The following TSPAN5 variants were observed in gnomAD, a reference collection of about 807,000 sequenced individuals.
TSPAN5 encodes tetraspanin-5.
In TSPAN5, 10 loss-of-function variants were observed where a neutral mutation model predicts 37.1. The observed-to-expected ratio is 0.27, with a 90% confidence interval of 0.17 to 0.46. The LOEUF is 0.46. Among genes scored for constraint, TSPAN5 ranks in the 20% least tolerant of loss-of-function variants. TSPAN5 has a pLI of 1.00. For missense variants in TSPAN5, 195 were observed against 326.6 expected (o/e 0.60, Z 3.11); for synonymous variants, 110 against 118.9 (o/e 0.93, Z 0.48).
intron 1 of TSPAN5, among the ~76,000 whole-genome samples, chr4:98,624,381 A>G (rs1285838868): frequency 1.3e-5 from 2 of 152,194 alleles, no homozygotes; most frequent in African/African-American, 2.4e-5. Context: ...AGTGCAGCAT[A>G]ATGATGAGGA....
At chr4:98,476,129 G>A in intron 7 of TSPAN5, 60 bp downstream of exon 7, 2 of 1,347,894 alleles carry the variant, frequency 1.5e-6, no homozygotes, top group Non-Finnish European at 2.1e-6. Context: ...CTCCGATCCT[G>A]GCAAGGGCTC....
chr4:98,547,754 C>T (rs538398208), intron 1 of TSPAN5, among the ~76,000 whole-genome samples: 3 of 152,040 alleles, frequency 2.0e-5, no homozygotes, highest in African/African-American at 7.2e-5. Flanking sequence ...CGCCTGTAAT[C>T]CCAGCACTTT....
rs147373730 is a variant in TSPAN5, at chr4:98,478,456, A to G, written c.576+229T>C. Among the ~76,000 whole-genome samples the G allele has an allele frequency of 2.0e-3, 311 of 152,344 alleles. 1 individual carries two copies. The highest frequency in any genetic ancestry group is 7.0e-3 in the African/African-American group (292 of 41,570). ...AGTAGGAATGTGCCCAACTTAAATG[A>G]GCCAACACACATAAAGGCTTAGAAT... On this transcript the variant is annotated intron_variant, in intron 5 of 7. Transcript: ENST00000305798.
intron 2 of TSPAN5, among the ~76,000 whole-genome samples, chr4:98,490,001 A>C (rs1753051399): frequency 6.6e-6 from 1 of 152,172 alleles, no homozygotes; most frequent in Non-Finnish European, 1.5e-5. Flanking sequence ...GATGCTGTGA[A>C]CCTTTGTCAA....
intron 4 of TSPAN5, 62 bp from the exon 5 acceptor site, chr4:98,478,872 A>C (rs1578932676): frequency 1.3e-6 from 2 of 1,588,746 alleles, no homozygotes; most frequent in Non-Finnish European, 1.7e-6. Context: ...ACCTACACTC[A>C]CACCCGCCGA....
At chr4:98,593,194 A>G (rs1478366746) in intron 1 of TSPAN5, among the ~76,000 whole-genome samples, 1 of 15,552 alleles carries the variant, frequency 6.4e-5, no homozygotes, top group African/African-American at 3.1e-4. Context: ...GCCAGTGATG[A>G]TGAGCATTTT....
rs1039839783 is a variant in TSPAN5 at position 98,491,177 on chromosome 4, T to C, written c.133-4293A>G. Reference sequence around the variant, plus strand: ...GCATGTGCATTACCTCACATAGTTATCATTTTTGTGGTGAGAACACTTTAC... The same window carrying C: ...GCATGTGCATTACCTCACATAGTTACCATTTTTGTGGTGAGAACACTTTAC... On this transcript the variant is annotated intron_variant, in intron 2 of 7. Coordinates refer to ENST00000305798, the MANE Select transcript of TSPAN5 (RefSeq NM_005723.4). 1.8e-4 allele frequency among the ~76,000 whole-genome samples: 28 copies of C among 152,210 alleles called. 1 individual carries two copies. The highest frequency in any genetic ancestry group is 2.4e-5 in the African/African-American group (1 of 41,454).
chr4:98,657,284 G>C (rs1392151150), intron 1 of TSPAN5, among the ~76,000 whole-genome samples: 1 of 152,130 alleles, frequency 6.6e-6, no homozygotes, highest in East Asian at 1.9e-4. Context: ...GTCCCAAGCA[G>C]AGCATCATTT....
intron 1 of TSPAN5, among the ~76,000 whole-genome samples, chr4:98,650,602 C>T (rs1757165489): frequency 6.6e-6 from 1 of 152,152 alleles, no homozygotes; most frequent in Non-Finnish European, 1.5e-5. Flanking sequence ...ACTGTAAACT[C>T]ATGGTTTTAA....
At chr4:98,528,255 C>T (rs1482908178) in intron 1 of TSPAN5, among the ~76,000 whole-genome samples, 1 of 152,106 alleles carries the variant, frequency 6.6e-6, no homozygotes, top group African/African-American at 2.4e-5. Context: ...GTCATAGATC[C>T]TCAAGGTTGA....
chr4:98,540,495 G>A (rs1360355728), intron 1 of TSPAN5, among the ~76,000 whole-genome samples: 1 of 152,126 alleles, frequency 6.6e-6, no homozygotes, highest in Admixed American at 6.5e-5. Context: ...GTGCCACCAT[G>A]CCCAGCTAAT....
intron 1 of TSPAN5, among the ~76,000 whole-genome samples, chr4:98,613,382 A>G (rs1579030533): frequency 6.6e-6 from 1 of 152,202 alleles, no homozygotes; most frequent in Non-Finnish European, 1.5e-5. Context: ...TTACTAGACC[A>G]TAAGTTATTG....
intron 1 of TSPAN5, among the ~76,000 whole-genome samples, chr4:98,589,158 A>C (rs548812323): frequency 1.3e-5 from 2 of 152,320 alleles, no homozygotes; most frequent in Non-Finnish European, 2.9e-5. Flanking sequence ...AGATTAGTAC[A>C]TGCTGGAAAC....
At chr4:98,647,843 G>A (rs1371188345) in intron 1 of TSPAN5, among the ~76,000 whole-genome samples, 1 of 148,872 alleles carries the variant, frequency 6.7e-6, no homozygotes, top group East Asian at 1.9e-4. Context: ...TTGTTTGGTT[G>A]GCTTTTCTGT....
At chr4:98,655,571 T>C (rs990044194) in intron 1 of TSPAN5, among the ~76,000 whole-genome samples, 1 of 152,242 alleles carries the variant, frequency 6.6e-6, no homozygotes, top group African/African-American at 2.4e-5. Context: ...GTATGTCAAA[T>C]GTAGTCTAGC....
intron 2 of TSPAN5, among the ~76,000 whole-genome samples, chr4:98,494,949 A>T (rs1753167753): frequency 6.6e-6 from 1 of 152,224 alleles, no homozygotes; most frequent in Non-Finnish European, 1.5e-5. Context: ...AGCCAGGAGT[A>T]GGCAGAAGCC....
chr4:98,478,452 A>C (rs1752755191), intron 5 of TSPAN5, among the ~76,000 whole-genome samples: 1 of 152,228 alleles, frequency 6.6e-6, no homozygotes, highest in South Asian at 2.1e-4. Flanking sequence ...GCCCAACTTA[A>C]ATGAGCCAAC....
At chr4:98,646,936 T>C (rs1325241540) in intron 1 of TSPAN5, among the ~76,000 whole-genome samples, 1 of 152,222 alleles carries the variant, frequency 6.6e-6, no homozygotes, top group Admixed American at 6.5e-5. Context: ...ATCTTAATAC[T>C]ACTATTAATA....
chr4:98,634,455 T>C (rs369845560), intron 1 of TSPAN5, among the ~76,000 whole-genome samples: 3 of 152,366 alleles, frequency 2.0e-5, no homozygotes, highest in Non-Finnish European at 2.9e-5. Context: ...ATACTGTCAA[T>C]TGACATGCAC....
Sources: allele counts gnomAD v4.1 joint callset (sites outside exome capture counted in the v4.1 genomes callset), GRCh38; gene constraint gnomAD v4.1.1; transcripts MANE v1.5; gene names NCBI Gene and HGNC (gene_info 2026-07-23, HGNC 2026-07-21).